The following MBNL1 variants were observed in gnomAD, a reference collection of about 807,000 sequenced individuals.
The protein encoded by MBNL1 is muscleblind like splicing regulator 1.
MBNL1 carries 8 observed loss-of-function variants against 42.2 expected under a neutral mutation model. That is an observed-to-expected ratio of 0.19 (90% CI 0.11 to 0.34). The LOEUF is 0.34. MBNL1 is among the 10% of genes least tolerant of loss of function. The pLI, the probability that MBNL1 is intolerant of heterozygous loss-of-function variation, is 1.00. For missense variants in MBNL1, 309 were observed against 495.3 expected (o/e 0.62, Z 3.57); for synonymous variants, 169 against 173.9 (o/e 0.97, Z 0.22).
intron 2 of MBNL1, among the ~76,000 whole-genome samples, chr3:152,380,635 C>T (rs1342491432): frequency 6.6e-6 from 1 of 151,996 alleles, no homozygotes; most frequent in Non-Finnish European, 1.5e-5. Context: ...ATTTCAGATA[C>T]CTTAATACAT....
At chr3:152,410,267 CA>C (rs2098536510) in intron 2 of MBNL1, among the ~76,000 whole-genome samples, 2 of 152,058 alleles carry the variant, frequency 1.3e-5, no homozygotes, top group African/African-American at 4.8e-5. Flanking sequence ...AAAATTATAG[CA>C]GTTTGAAAGA....
intron 4 of MBNL1, among the ~76,000 whole-genome samples, chr3:152,434,825 T>C (rs946164953): frequency 3.9e-5 from 6 of 152,240 alleles, no homozygotes; most frequent in African/African-American, 1.2e-4. Flanking sequence ...CATATGCTTG[T>C]TGGCCACATG....
At chr3:152,262,393 A>G (rs2036443445) in intron 2 of MBNL1, among the ~76,000 whole-genome samples, 1 of 152,208 alleles carries the variant, frequency 6.6e-6, no homozygotes, top group Non-Finnish European at 1.5e-5. Flanking sequence ...GGAAACTCAG[A>G]TAGGCAAGAA....
chr3:152,348,099 T>C (rs923542483), intron 2 of MBNL1, among the ~76,000 whole-genome samples: 1 of 152,104 alleles, frequency 6.6e-6, no homozygotes, highest in African/African-American at 2.4e-5. Context: ...GTCTACAGTT[T>C]TGAGAATGAT....
At chr3:152,432,013 T>A (rs947804554) in intron 3 of MBNL1, among the ~76,000 whole-genome samples, 6 of 152,258 alleles carry the variant, frequency 3.9e-5, no homozygotes, top group African/African-American at 7.2e-5. Context: ...TCATGTAGCA[T>A]TTCTTTAGTA....
chr3:152,440,255 TATG>T (rs1372333078), intron 4 of MBNL1, among the ~76,000 whole-genome samples: 1 of 152,214 alleles, frequency 6.6e-6, no homozygotes, highest in Non-Finnish European at 1.5e-5. Context: ...ATTGATCAAA[TATG>T]TACAATTATT....
intron 1 of MBNL1, among the ~76,000 whole-genome samples, chr3:152,288,327 C>A (rs1029968935): frequency 6.6e-6 from 1 of 152,114 alleles, no homozygotes; most frequent in Admixed American, 6.5e-5. Flanking sequence ...GAAGTGCATG[C>A]TGCTTCAGGG....
chr3:152,465,239 A>G lies in MBNL1; in HGVS notation c.*2873A>G, dbSNP rs1234185946. ...AGAAAGAACTATACTAAGAACATAT[A>G]TTATTCAGATCAGTTTCTGCCAATT... On this transcript the variant is annotated 3_prime_UTR_variant, in exon 10 of 10. Transcript: ENST00000324210. 6.6e-6 allele frequency: 1 copy of G among 152,252 alleles called. No individual in the cohort carries two copies. The highest frequency in any genetic ancestry group is 1.5e-5 in the Non-Finnish European group (1 of 68,042). 9.4% of individuals were successfully genotyped at this position (152,252 alleles called of 1,614,324 possible). A position where few individuals can be genotyped will look rare whatever the true frequency, so the allele number is the denominator to read the frequency against.
intron 1 of MBNL1, among the ~76,000 whole-genome samples, chr3:152,290,574 A>C (rs1447297289): frequency 6.6e-6 from 1 of 152,124 alleles, no homozygotes; most frequent in Non-Finnish European, 1.5e-5. Context: ...GTGTTGTGCA[A>C]TAATGTCATT....
At chr3:152,308,248 T>C (rs754203856) in intron 2 of MBNL1, among the ~76,000 whole-genome samples, 4 of 152,102 alleles carry the variant, frequency 2.6e-5, no homozygotes, top group Non-Finnish European at 5.9e-5. Context: ...TGTTATCTTA[T>C]CATAAATCTT....
At chr3:152,388,874 A>G (rs1236112929) in intron 2 of MBNL1, among the ~76,000 whole-genome samples, 3 of 152,220 alleles carry the variant, frequency 2.0e-5, no homozygotes, top group Non-Finnish European at 2.9e-5. Context: ...ACAATGAATC[A>G]TGTTCTAACG....
chr3:152,428,969 A>G (rs1046773981), intron 3 of MBNL1, among the ~76,000 whole-genome samples: 1 of 152,202 alleles, frequency 6.6e-6, no homozygotes, highest in African/African-American at 2.4e-5. Context: ...TCATTCATTC[A>G]TTCACTCAAG....
chr3:152,305,171 T>C (rs1359703806), intron 2 of MBNL1, among the ~76,000 whole-genome samples: 2 of 152,160 alleles, frequency 1.3e-5, no homozygotes, highest in Non-Finnish European at 2.9e-5. Flanking sequence ...CTTGAAACAA[T>C]TGCATATATA....
chr3:152,252,954 T>C lies in MBNL1; in HGVS notation n.333+8514T>C, dbSNP rs185984884. Among the ~76,000 whole-genome samples the C allele has an allele frequency of 1.1e-3, 175 of 152,228 alleles. 2 individuals carry two copies. The highest frequency in any genetic ancestry group is 3.7e-3 in the African/African-American group (155 of 41,558). Reference sequence around the variant, plus strand: ...TCATAATAGGAAGAGAAATTTGTGGTTGGTGTCGAAAGATTCATTTTCATG... The same window carrying C: ...TCATAATAGGAAGAGAAATTTGTGGCTGGTGTCGAAAGATTCATTTTCATG... On this transcript the variant is annotated intron_variant and non_coding_transcript_variant, in intron 2 of 2. Coordinates refer to the MBNL1 transcript ENST00000477171.
At chr3:152,319,912 A>G (rs1430644851) in intron 2 of MBNL1, among the ~76,000 whole-genome samples, 1 of 152,042 alleles carries the variant, frequency 6.6e-6, no homozygotes, top group Non-Finnish European at 1.5e-5. Context: ...TACAGTGATC[A>G]TCAAATGCAA....
chr3:152,267,926 T>C (rs1236985660), upstream of MBNL1: 3 of 152,244 alleles, frequency 2.0e-5, no homozygotes, highest in African/African-American at 7.2e-5. Context: ...ACTAGAATCA[T>C]CCTTGAACAA....
At chr3:152,361,075 A>G (rs2095897157) in intron 2 of MBNL1, among the ~76,000 whole-genome samples, 1 of 152,152 alleles carries the variant, frequency 6.6e-6, no homozygotes, top group South Asian at 2.1e-4. Flanking sequence ...TGAGGAATAA[A>G]ATATTACCAT....
upstream of MBNL1, chr3:152,265,160 T>C (rs566705429): frequency 8.5e-5 from 13 of 152,340 alleles, 1 homozygote; most frequent in South Asian, 2.5e-3. Context: ...CTACTTAAAC[T>C]TGATTCTCCA....
At chr3:152,320,886 T>A (rs562338873) in intron 2 of MBNL1, among the ~76,000 whole-genome samples, 1 of 152,078 alleles carries the variant, frequency 6.6e-6, no homozygotes, top group East Asian at 1.9e-4. Context: ...ACACCTAAAT[T>A]TCTCTATACT....
Sources: allele counts gnomAD v4.1 joint callset (sites outside exome capture counted in the v4.1 genomes callset), GRCh38; gene constraint gnomAD v4.1.1; transcripts MANE v1.5; gene names NCBI Gene and HGNC (gene_info 2026-07-23, HGNC 2026-07-21).